NCOA7: variants seen among roughly 807,000 people sequenced by gnomAD.
NCOA7 encodes nuclear receptor coactivator 7.
Under a neutral mutation model 104.3 loss-of-function variants are expected in NCOA7, and 45 were observed. The observed-to-expected ratio is 0.43, with a 90% CI of 0.34 to 0.55. The LOEUF (loss-of-function observed/expected upper bound fraction) is 0.55, where lower values mean the gene tolerates loss of function less well. Ranked by LOEUF, NCOA7 falls within the 20% of genes least tolerant of loss-of-function variation. NCOA7 has a pLI of 0.02. For missense variants in NCOA7, 1,041 were observed against 1,119.7 expected, an observed-to-expected ratio of 0.93 and a Z score of 1.00; for synonymous variants, 398 against 402.3, an observed-to-expected ratio of 0.99 and a Z score of 0.13.
At chr6:125,924,241 C>T (rs573735435) in intron 13 of NCOA7, among the ~76,000 whole-genome samples, 1 of 152,298 alleles carries the variant, frequency 6.6e-6, no homozygotes, top group Non-Finnish European at 1.5e-5. Flanking sequence ...AAATATCACA[C>T]TTGTTGAGGA....
intron 1 of NCOA7, among the ~76,000 whole-genome samples, chr6:125,805,922 G>A (rs1776406499): frequency 6.6e-6 from 1 of 152,126 alleles, no homozygotes; most frequent in Admixed American, 6.5e-5. Context: ...TTTACACATT[G>A]AGTCTCTGTA....
intron 2 of NCOA7, among the ~76,000 whole-genome samples, chr6:125,845,990 C>T (rs1780572635): frequency 6.6e-6 from 1 of 151,978 alleles, no homozygotes; most frequent in Non-Finnish European, 1.5e-5. Context: ...TATATTAGTA[C>T]TCTATTTCCC....
intron 11 of NCOA7, among the ~76,000 whole-genome samples, chr6:125,915,901 T>C (rs1386824133): frequency 6.6e-6 from 1 of 152,244 alleles, no homozygotes; most frequent in Non-Finnish European, 1.5e-5. Context: ...TTTCACATAG[T>C]TATTATGTGT....
chr6:125,928,985 G>T lies in NCOA7; in HGVS notation c.*214G>T. On this transcript the variant is annotated 3_prime_UTR_variant, in exon 16 of 16. Transcript: ENST00000392477. ...AAGAAAGAAACTTAAAATCCAGGTT[G>T]TTGAAAAGACTTTGTACTCCCACTT... 4.3e-6 allele frequency: 2 copies of T among 468,240 alleles called. No homozygotes were observed. The highest frequency in any genetic ancestry group is 7.3e-6 in the Non-Finnish European group (2 of 274,526). The allele number at this position is 468,240 out of a possible 1,614,324, so 29.0% of individuals were successfully genotyped here.
chr6:125,891,410 A>G (rs991816851), intron 10 of NCOA7, among the ~76,000 whole-genome samples: 1 of 152,230 alleles, frequency 6.6e-6, no homozygotes, highest in Admixed American at 6.5e-5. Context: ...ACAGTATATC[A>G]CTGAGGATGT....
rs1241995595 is a variant in NCOA7 at position 125,885,262 on chromosome 6, T to G, written c.803T>G (p.Leu268Arg). Reference sequence around the variant, plus strand: ...GAAAATGGGTGTGAGGAGTATGGTCTCATCTGCCCCATGGAAGAGGTTGTT... The same window carrying G: ...GAAAATGGGTGTGAGGAGTATGGTCGCATCTGCCCCATGGAAGAGGTTGTT... ...VIENGCEEYG[L>R]ICPMEEVVSI... Residue 268 changes from leucine to arginine, a missense_variant, in exon 8 of 16, where the codon CTC (leucine) becomes CGC (arginine). This residue lies in a region of NCOA7 where 914 missense variants were observed against 942.7 expected (regional missense o/e 0.97). Coordinates refer to ENST00000392477, the MANE Select transcript of NCOA7 (RefSeq NM_181782.5). The G allele has an allele frequency of 6.2e-7, 1 of 1,613,962 alleles. No individual in the cohort carries two copies. The highest frequency in any genetic ancestry group is 8.5e-7 in the Non-Finnish European group (1 of 1,179,952).
chr6:125,921,770 T>C (rs997720810), intron 12 of NCOA7, among the ~76,000 whole-genome samples: 78 of 152,336 alleles, frequency 5.1e-4, no homozygotes, highest in African/African-American at 1.8e-3. Context: ...GCAAAGGCAC[T>C]CTACTTGCTT....
intron 7 of NCOA7, among the ~76,000 whole-genome samples, chr6:125,884,799 C>T (rs185230433): frequency 4.6e-5 from 7 of 152,172 alleles, no homozygotes; most frequent in Non-Finnish European, 7.3e-5. Context: ...TATTCTCGAT[C>T]GGGTAAGCAC....
At position 125,855,042 on chromosome 6, in the gene NCOA7, A is replaced by G. The variant is rs1028826506; in HGVS notation, c.73A>G (p.Lys25Glu). Reference protein sequence around the residue: ...FARLKKKKQAKQNAETASAVA... With the variant: ...FARLKKKKQAEQNAETASAVA... ...TAGACTGAAAAAGAAAAAACAAGCC[A>G]AACAAAATGCAGAGACAGCCTCAGC... is the stretch of plus-strand genomic sequence containing the variant. The change falls in exon 3 of 16, where the codon AAA becomes GAA. Residue 25 changes from lysine to glutamate, a missense_variant. Lys to Glu is a moderately conservative substitution (Grantham distance 56). Coordinates refer to ENST00000392477, the MANE Select transcript of NCOA7 (RefSeq NM_181782.5). 1 of 1,606,538 alleles carries G rather than the reference A, an allele frequency of 6.2e-7. No homozygotes were observed. Among genetic ancestry groups the G allele is most frequent in the East Asian group, 2.2e-5 (1 of 44,822 alleles).
chr6:125,844,565 C>CAT (rs1307595887), intron 2 of NCOA7, among the ~76,000 whole-genome samples: 2 of 151,960 alleles, frequency 1.3e-5, no homozygotes, highest in Non-Finnish European at 2.9e-5. Flanking sequence ...CTTAATTTGG[C>CAT]ATATAATGGC....
At chr6:125,895,965 A>ATGTGTG (rs61017866) in intron 10 of NCOA7, among the ~76,000 whole-genome samples, 6 of 146,086 alleles carry the variant, frequency 4.1e-5, no homozygotes, top group South Asian at 4.3e-4. Flanking sequence ...ATATGTATAT[A>ATGTGTG]TGTGTGTGTG....
intron 2 of NCOA7, among the ~76,000 whole-genome samples, chr6:125,830,820 ACAC>A (rs532782711): frequency 1.3e-5 from 2 of 151,342 alleles, no homozygotes. Context: ...TTATTAATAA[ACAC>A]CACATTTCAT....
At chr6:125,920,366 G>A (rs1389832494) in intron 11 of NCOA7, among the ~76,000 whole-genome samples, 1 of 152,020 alleles carries the variant, frequency 6.6e-6, no homozygotes, top group African/African-American at 2.4e-5. Context: ...CCTCATCACC[G>A]CAAACTCCCT....
At chr6:125,846,797 G>A (rs1252865393) in intron 2 of NCOA7, among the ~76,000 whole-genome samples, 1 of 152,204 alleles carries the variant, frequency 6.6e-6, no homozygotes, top group East Asian at 1.9e-4. Flanking sequence ...GTGACCTTGG[G>A]AAATGGCCCT....
intron 1 of NCOA7, among the ~76,000 whole-genome samples, chr6:125,784,459 C>T (rs1026120493): frequency 6.6e-6 from 1 of 152,212 alleles, no homozygotes; most frequent in Admixed American, 6.5e-5. Context: ...GGTATAGCCA[C>T]TCTAGAAAAT....
At chr6:125,912,860 TATA>T (rs1257976953) in intron 10 of NCOA7, among the ~76,000 whole-genome samples, 5 of 152,112 alleles carry the variant, frequency 3.3e-5, no homozygotes, top group Middle Eastern at 3.4e-3. Flanking sequence ...ACACTACAAA[TATA>T]AGAAGTGAAT....
At chr6:125,828,979 T>A (rs1445744044) in intron 2 of NCOA7, among the ~76,000 whole-genome samples, 3 of 152,130 alleles carry the variant, frequency 2.0e-5, no homozygotes, top group Non-Finnish European at 2.9e-5. Flanking sequence ...TCCAAAGCCT[T>A]TATTCTTAAC....
chr6:125,830,061 T>C (rs955788227), intron 2 of NCOA7, among the ~76,000 whole-genome samples: 1 of 152,198 alleles, frequency 6.6e-6, no homozygotes, highest in Non-Finnish European at 1.5e-5. Flanking sequence ...TATAACAATG[T>C]CTCAAGGACC....
intron 2 of NCOA7, among the ~76,000 whole-genome samples, chr6:125,818,061 C>T (rs376524411): frequency 2.0e-5 from 3 of 151,036 alleles, no homozygotes; most frequent in Admixed American, 1.3e-4. Context: ...TCCCCCTTCC[C>T]GCTTCTCCCC....
Sources: allele counts gnomAD v4.1 joint callset (sites outside exome capture counted in the v4.1 genomes callset), GRCh38; gene constraint gnomAD v4.1.1; regional missense constraint gnomAD v4.1.1; transcripts MANE v1.5; gene names NCBI Gene and HGNC (gene_info 2026-07-23, HGNC 2026-07-21).